FBLN1: variants seen among roughly 807,000 people sequenced by gnomAD.
The protein encoded by FBLN1 is fibulin-1.
A neutral mutation model predicts 89.7 loss-of-function variants in FBLN1; 34 were observed. The ratio of observed to expected loss-of-function variants is 0.38; its 90% CI spans 0.29 to 0.50. The LOEUF (loss-of-function observed/expected upper bound fraction) is 0.50, where lower values mean the gene tolerates loss of function less well. Among genes scored for constraint, FBLN1 ranks in the 20% least tolerant of loss-of-function variants. The probability of loss-of-function intolerance (pLI) is 0.92; values close to 1 mark genes in which losing one functional copy is unlikely to be tolerated. For missense variants in FBLN1, 777 were observed against 988.1 expected, an observed-to-expected ratio of 0.79 and a Z score of 2.86; for synonymous variants, 393 against 391.3, an observed-to-expected ratio of 1.00 and a Z score of -0.05.
Position 45,550,615 on chromosome 22 carries a change from C to T in FBLN1, c.1697C>T (p.Thr566Met), listed in dbSNP as rs151076402. Residue 566 changes from threonine (T) to methionine (M), a missense_variant and splice_region_variant, in exon 14 of 17, where the codon ACG becomes ATG. Coordinates refer to ENST00000327858, the MANE Select transcript of FBLN1 (RefSeq NM_006486.3). The surrounding 1 kb of genome is among the most constrained non-coding windows in gnomAD (Gnocchi z 8.4). ...GAGAACTACCGCCGCTCCGCAGCCA[C>T]GTAAGTCCCTTGGACCATGCCATCG... ...CPENYRRSAA[T>M]LQQEKTDTVR... The T allele has an allele frequency of 2.0e-4, 328 of 1,614,066 alleles. 3 individuals are homozygous for T. The African/African-American group carries it at 3.7e-3, about 18-fold the overall frequency.
intron 1 of FBLN1, among the ~76,000 whole-genome samples, chr22:45,511,866 G>C (rs28718049): frequency 6.6e-6 from 1 of 152,160 alleles, no homozygotes; most frequent in African/African-American, 2.4e-5. Flanking sequence ...GGGAACATTC[G>C]AGTTGAAGGT....
chr22:45,542,478 C>T (rs1268870387), intron 10 of FBLN1, among the ~76,000 whole-genome samples, 195 bp downstream of exon 10: 1 of 152,240 alleles, frequency 6.6e-6, no homozygotes, highest in Non-Finnish European at 1.5e-5. Context: ...CAGGCGGCCA[C>T]TGGCACCACC....
rs977150000 is a variant in FBLN1 at position 45,531,301 on chromosome 22, C to T, written c.521C>T (p.Pro174Leu). The T allele has an allele frequency of 3.7e-6, 6 of 1,613,942 alleles. No individual in the cohort carries two copies. Among genetic ancestry groups the T allele is most frequent in the Non-Finnish European group, 5.1e-6 (6 of 1,179,918 alleles). Reference sequence around the variant, plus strand: ...GAGGTTGAGGAGGAACAAGAGGACCCATATCTGAATGACCGCTGCCGAGGT... The same window carrying T: ...GAGGTTGAGGAGGAACAAGAGGACCTATATCTGAATGACCGCTGCCGAGGT... The part of the protein sequence containing the change: ...IIEVEEEQED[P>L]YLNDRCRGGG... The change falls in exon 5 of 17, where the codon CCA (proline) becomes CTA (leucine). Residue 174 changes from proline (P) to leucine (L), a missense_variant. Transcript: ENST00000327858. The surrounding 1 kb of genome is among the most constrained non-coding windows in gnomAD (Gnocchi z 4.9).
At chr22:45,565,006 C>G in intron 14 of FBLN1, 1 of 1,613,412 alleles carries the variant, frequency 6.2e-7, no homozygotes, top group Non-Finnish European at 8.5e-7. Flanking sequence ...GGAAGATGGA[C>G]CTGGACAGAC....
At chr22:45,573,520 A>C (rs1037289376) in intron 14 of FBLN1, among the ~76,000 whole-genome samples, 7 of 151,444 alleles carry the variant, frequency 4.6e-5, no homozygotes, top group Non-Finnish European at 1.0e-4. Flanking sequence ...CTAAAAAAAA[A>C]TACAAAAAAA....
chr22:45,543,277 A>C (rs940690303), intron 10 of FBLN1, 124 bp from the exon 11 acceptor site: 4 of 1,232,364 alleles, frequency 3.2e-6, no homozygotes, highest in Non-Finnish European at 4.6e-6. Flanking sequence ...AAGATGAAGG[A>C]AAAAAAAGAA....
chr22:45,541,201 A>T, intron 8 of FBLN1, 28 bp from the exon 9 acceptor site: 1 of 1,614,184 alleles, frequency 6.2e-7, no homozygotes, highest in Non-Finnish European at 8.5e-7. Flanking sequence ...AGGTTTAACC[A>T]CATGGTCTCT....
chr22:45,546,825 C>T (rs2088634481), intron 11 of FBLN1, among the ~76,000 whole-genome samples: 1 of 152,184 alleles, frequency 6.6e-6, no homozygotes, highest in South Asian at 2.1e-4. Flanking sequence ...GGGCAGACTT[C>T]CAGGGGCCAA....
rs1325829655 is a variant in FBLN1, at chr22:45,577,930, TA to T, written c.1972+826del. ...GCCCCTCTCCTGAACTGTCACATTT[TA>T]AAAGATTTACAGTCATGGGAAATGA... On this transcript the variant is annotated intron_variant, in intron 16 of 16. Coordinates refer to ENST00000327858, the MANE Select transcript of FBLN1 (RefSeq NM_006486.3). The surrounding 1 kb of genome is among the most constrained non-coding windows in gnomAD (Gnocchi z 6.6). The T allele has an allele frequency of 6.5e-6, 1 of 152,746 alleles. No individual in the cohort carries two copies. The highest frequency in any genetic ancestry group is 1.5e-5 in the Non-Finnish European group (1 of 68,482). The allele number at this position is 152,746 out of a possible 1,614,324, so 9.5% of individuals were successfully genotyped here.
intron 1 of FBLN1, among the ~76,000 whole-genome samples, chr22:45,503,862 A>G (rs1372080585): frequency 6.6e-6 from 1 of 152,184 alleles, no homozygotes; most frequent in African/African-American, 2.4e-5. Context: ...GCTCCGGGAC[A>G]GTGCCCACCC....
chr22:45,571,113 A>G (rs1167639189), intron 14 of FBLN1, among the ~76,000 whole-genome samples: 4 of 20,536 alleles, frequency 1.9e-4, no homozygotes, highest in African/African-American at 8.4e-4. Context: ...AAGAGTCTCA[A>G]AAAAAAAAAA....
At position 45,563,338 on chromosome 22, in the gene FBLN1, T is replaced by G. The variant is rs903943346; in HGVS notation, c.1698-11173T>G. 1.2e-6 allele frequency: 2 copies of G among 1,606,136 alleles called. No homozygotes were observed. The highest frequency in any genetic ancestry group is 1.3e-5 in the African/African-American group (1 of 74,870). On this transcript the variant is annotated intron_variant, in intron 14 of 16. Transcript: ENST00000327858. This position sits in a 1 kb window ranked among gnomAD's most constrained non-coding sequence, Gnocchi z 5.7. ...CCTGCCCTCCGGGGCGTTAATAAAG[T>G]CTTAGCAAGCGTCCCACACAGTGAG...
At chr22:45,573,511 TA>T (rs937319542) in intron 14 of FBLN1, among the ~76,000 whole-genome samples, 2 of 146,740 alleles carry the variant, frequency 1.4e-5, no homozygotes. Context: ...CTGTCTCTAC[TA>T]AAAAAAAATA....
In FBLN1 at chr22:45,537,027, C is replaced by A. The variant is rs186493172; in HGVS notation, c.922+1690C>A. On this transcript the variant is annotated intron_variant, in intron 8 of 16. Transcript: ENST00000327858. The surrounding 1 kb of genome is among the most constrained non-coding windows in gnomAD (Gnocchi z 5.7). ...AGTCAGCGCTTAAGTCCTGATCCAC[C>A]GGCTCTCCCTCGGCCTCTGCTTGGC... 6.6e-6 allele frequency among the ~76,000 whole-genome samples: 1 copy of A among 152,108 alleles called. No homozygotes were observed. The highest frequency in any genetic ancestry group is 1.5e-5 in the Non-Finnish European group (1 of 68,014).
At position 45,572,083 on chromosome 22, in the gene FBLN1, C is replaced by T. The variant is rs534600208; in HGVS notation, c.1698-2428C>T. Among the ~76,000 whole-genome samples, 234 of 152,118 alleles carry T rather than the reference C, an allele frequency of 1.5e-3. 1 individual carries two copies. The highest frequency in any genetic ancestry group is 2.3e-3 in the Non-Finnish European group (156 of 67,990). ...GGTGGAGGTTGCAGTGAGCCGATAT[C>T]GCACCACAGCACTCCAGCCTGGGTG... On this transcript the variant is annotated intron_variant, in intron 14 of 16. Coordinates refer to ENST00000327858, the MANE Select transcript of FBLN1 (RefSeq NM_006486.3). The surrounding 1 kb of genome is among the most constrained non-coding windows in gnomAD (Gnocchi z 5.8).
In FBLN1 at chr22:45,556,477, A is replaced by G. The variant is rs916551029; in HGVS notation, c.1697+5862A>G. 6.6e-6 allele frequency among the ~76,000 whole-genome samples: 1 copy of G among 151,894 alleles called. No individual in the cohort carries two copies. Among genetic ancestry groups the G allele is most frequent in the Non-Finnish European group, 1.5e-5 (1 of 67,954 alleles). On this transcript the variant is annotated intron_variant, in intron 14 of 16. Coordinates refer to ENST00000327858, the MANE Select transcript of FBLN1 (RefSeq NM_006486.3). This position sits in a 1 kb window ranked among gnomAD's most constrained non-coding sequence, Gnocchi z 4.6. ...TTTTTTTTCCTGGTGGAGTGACCCA[A>G]ACCTTCATTCCTGAAGGGTCTGGGT... is the stretch of plus-strand genomic sequence containing the variant.
At chr22:45,543,866 C>T (rs975906558) in intron 11 of FBLN1, among the ~76,000 whole-genome samples, 2 of 152,170 alleles carry the variant, frequency 1.3e-5, no homozygotes, top group East Asian at 1.9e-4. Context: ...GTGTCCTCCC[C>T]GGGGAGAGGG....
At position 45,583,776 on chromosome 22, in the gene FBLN1, C is replaced by T. The variant is rs1470341960; in HGVS notation, c.1972+6668C>T. 2.0e-5 allele frequency among the ~76,000 whole-genome samples: 3 copies of T among 151,974 alleles called. No individual in the cohort carries two copies. The highest frequency in any genetic ancestry group is 2.1e-4 in the South Asian group (1 of 4,804). On this transcript the variant is annotated intron_variant, in intron 16 of 16. Coordinates refer to ENST00000327858, the MANE Select transcript of FBLN1 (RefSeq NM_006486.3). This position sits in a 1 kb window ranked among gnomAD's most constrained non-coding sequence, Gnocchi z 4.5. ...TTGCAGGGCCAATGGGAAGGGGAAG[C>T]GCCTGCAGCATGAGAGAGAGAGAGA...
intron 1 of FBLN1, among the ~76,000 whole-genome samples, chr22:45,504,900 A>G (rs2087997858): frequency 6.6e-6 from 1 of 152,160 alleles, no homozygotes; most frequent in African/African-American, 2.4e-5. Context: ...GAGTTTCAAC[A>G]GGTTTAATTT....
Sources: allele counts gnomAD v4.1 joint callset (sites outside exome capture counted in the v4.1 genomes callset), GRCh38; gene constraint gnomAD v4.1.1; non-coding constraint Gnocchi (gnomAD v3.1); transcripts MANE v1.5; gene names NCBI Gene and HGNC (gene_info 2026-07-23, HGNC 2026-07-21).